Variants in LRP6 observed in about 807,000 individuals in gnomAD.
LRP6 encodes the protein LDL receptor related protein 6, also known as low-density lipoprotein receptor-related protein 6.
A neutral mutation model predicts 184.1 loss-of-function variants in LRP6; 43 were observed. The ratio of observed to expected loss-of-function variants is 0.23; its 90% confidence interval spans 0.18 to 0.30. LRP6 has a LOEUF of 0.30. Among genes scored for constraint, LRP6 ranks in the 10% least tolerant of loss-of-function variants. The pLI, the probability that LRP6 is intolerant of heterozygous loss-of-function variation, is 1.00. For synonymous variants in LRP6, 719 were observed against 684.9 expected (o/e 1.05, Z -0.78); for missense variants, 1,571 against 2,005.3 (o/e 0.78, Z 4.14).
chr12:12,208,605 G>A (rs1013109593), intron 2 of LRP6, among the ~76,000 whole-genome samples: 3 of 152,128 alleles, frequency 2.0e-5, no homozygotes, highest in Non-Finnish European at 4.4e-5. Context: ...TAAAGACTAG[G>A]TGTCACTACC....
At chr12:12,145,624 CTTTTTTTTTTTTTTTTTTTTT>C (rs1181616141) in intron 15 of LRP6, among the ~76,000 whole-genome samples, 2 of 80,314 alleles carry the variant, frequency 2.5e-5, no homozygotes, top group African/African-American at 3.7e-5. Context: ...TTTTCTTTTT[CTTTTTTTTTTTTTTTTTTTTT>C]GAGACAGTCT....
chr12:12,265,521 G>A (rs1182257778), intron 1 of LRP6, among the ~76,000 whole-genome samples: 2 of 152,148 alleles, frequency 1.3e-5, no homozygotes, highest in African/African-American at 2.4e-5. Flanking sequence ...ACTTAAATTA[G>A]TTTGGAGAAC....
intron 2 of LRP6, among the ~76,000 whole-genome samples, chr12:12,223,563 C>T (rs1324184198): frequency 2.0e-5 from 3 of 152,190 alleles, no homozygotes; most frequent in East Asian, 1.9e-4. Flanking sequence ...ATGGGCCTAA[C>T]ACCCTCCCCC....
At chr12:12,204,297 A>AC (rs1863992093) in intron 2 of LRP6, among the ~76,000 whole-genome samples, 1 of 145,392 alleles carries the variant, frequency 6.9e-6, no homozygotes, top group Non-Finnish European at 1.5e-5. Context: ...AAAAAAAAAA[A>AC]AGGAGGGGGG....
chr12:12,158,801 G>A (rs552656014), intron 12 of LRP6, 28 bp downstream of exon 12: 2 of 1,605,182 alleles, frequency 1.2e-6, no homozygotes, highest in Non-Finnish European at 1.7e-6. Context: ...TCTCATTCTA[G>A]CTTGCTTTGG....
chr12:12,126,637 T>G (rs565790083), intron 20 of LRP6, 54 bp downstream of exon 20: 120 of 1,337,642 alleles, frequency 9.0e-5, no homozygotes, highest in Admixed American at 3.7e-4. Flanking sequence ...CAATGGAAAC[T>G]GGCAGTCTTG....
intron 2 of LRP6, among the ~76,000 whole-genome samples, chr12:12,217,116 A>G (rs1162234178): frequency 6.6e-6 from 1 of 152,222 alleles, no homozygotes; most frequent in Non-Finnish European, 1.5e-5. Context: ...CAGGTCACAC[A>G]GCAGGAGGTG....
chr12:12,143,256 G>A (rs891160953), intron 15 of LRP6, among the ~76,000 whole-genome samples: 4 of 152,034 alleles, frequency 2.6e-5, no homozygotes, highest in African/African-American at 9.7e-5. Context: ...AACATTAAGA[G>A]AAATTAAAGA....
At chr12:12,173,875 G>C (rs957711078) in intron 7 of LRP6, among the ~76,000 whole-genome samples, 1 of 152,118 alleles carries the variant, frequency 6.6e-6, no homozygotes, top group Non-Finnish European at 1.5e-5. Flanking sequence ...GCCAGCACCA[G>C]GTTTACAACT....
At chr12:12,247,617 C>CT (rs1304355233) in intron 1 of LRP6, among the ~76,000 whole-genome samples, 1 of 152,196 alleles carries the variant, frequency 6.6e-6, no homozygotes, top group Non-Finnish European at 1.5e-5. Flanking sequence ...AGGGTTCATC[C>CT]TGTCCAACCA....
chr12:12,186,496 A>G (rs576954132), intron 4 of LRP6, among the ~76,000 whole-genome samples: 1 of 151,962 alleles, frequency 6.6e-6, no homozygotes, highest in Non-Finnish European at 1.5e-5. Context: ...CTCCTGCCTC[A>G]GCCTCCCAAG....
intron 1 of LRP6, among the ~76,000 whole-genome samples, chr12:12,251,422 G>A (rs974141896): frequency 6.6e-6 from 1 of 151,986 alleles, no homozygotes; most frequent in African/African-American, 2.4e-5. Flanking sequence ...GGAGAGCAGT[G>A]GTGGGATCTC....
At chr12:12,152,953 C>T (rs1950102104) in intron 12 of LRP6, among the ~76,000 whole-genome samples, 1 of 152,212 alleles carries the variant, frequency 6.6e-6, no homozygotes, top group African/African-American at 2.4e-5. Context: ...TAAAAACCCA[C>T]ACTCAGCTTG....
At position 12,266,980 on chromosome 12, in the gene LRP6, G is replaced by C; in HGVS notation, c.-245C>G. 1.9e-6 allele frequency: 1 copy of C among 534,640 alleles called. No individual in the cohort carries two copies. The highest frequency in any genetic ancestry group is 3.3e-6 in the Non-Finnish European group (1 of 306,584). 33.1% of individuals were successfully genotyped at this position (534,640 alleles called of 1,614,324 possible). The stretch of plus-strand genomic sequence containing the variant: ...CTTCCATCCCGCCGCCTCCTCCCCC[G>C]GCGCCCCGCTTCCCCCGCGCAGCTC... On this transcript the variant is annotated 5_prime_UTR_variant, in exon 1 of 23. Coordinates refer to ENST00000261349, the MANE Select transcript of LRP6 (RefSeq NM_002336.3).
intron 6 of LRP6, among the ~76,000 whole-genome samples, chr12:12,180,435 G>A (rs1565609872): frequency 6.6e-6 from 1 of 151,980 alleles, no homozygotes; most frequent in Non-Finnish European, 1.5e-5. Context: ...TGGATGTTTA[G>A]ATGGCTCTAA....
chr12:12,142,691 T>C (rs937684044), intron 15 of LRP6, among the ~76,000 whole-genome samples: 1 of 152,074 alleles, frequency 6.6e-6, no homozygotes, highest in South Asian at 2.1e-4. Context: ...GTAATCCTTC[T>C]CATGAGCGTA....
intron 17 of LRP6, 115 bp downstream of exon 17, chr12:12,135,060 C>A: frequency 6.8e-7 from 1 of 1,459,910 alleles, no homozygotes; most frequent in Non-Finnish European, 9.5e-7. Context: ...GGAACACACG[C>A]AACCAATTAA....
chr12:12,204,037 G>A (rs1245416349), intron 2 of LRP6, among the ~76,000 whole-genome samples: 1 of 152,002 alleles, frequency 6.6e-6, no homozygotes, highest in Non-Finnish European at 1.5e-5. Flanking sequence ...TAAACCCAGT[G>A]GATACCACCT....
intron 2 of LRP6, among the ~76,000 whole-genome samples, chr12:12,222,921 A>G (rs1225175969): frequency 1.3e-5 from 2 of 152,270 alleles, no homozygotes; most frequent in Non-Finnish European, 2.9e-5. Context: ...TATATAAAGC[A>G]TTTAGCAAAT....
Sources: allele counts gnomAD v4.1 joint callset (sites outside exome capture counted in the v4.1 genomes callset), GRCh38; gene constraint gnomAD v4.1.1; transcripts MANE v1.5; gene names NCBI Gene and HGNC (gene_info 2026-07-23, HGNC 2026-07-21).